Variants in PDE1C observed in about 807,000 individuals in gnomAD.
PDE1C encodes the protein dual specificity calcium/calmodulin-dependent 3',5'-cyclic nucleotide phosphodiesterase 1C.
In PDE1C, 62 loss-of-function variants were observed where a neutral mutation model predicts 93.1. The ratio of observed to expected loss-of-function variants is 0.67; its 90% CI spans 0.54 to 0.82. The LOEUF is 0.82. Among genes scored for constraint, PDE1C ranks in the 40% least tolerant of loss-of-function variants. PDE1C has a pLI of 0.00. For missense variants in PDE1C, 742 were observed against 884.6 expected (o/e 0.84, Z 2.04); for synonymous variants, 325 against 310.1 (o/e 1.05, Z -0.50).
At chr7:32,211,163 T>C (rs1017073708) in intron 1 of PDE1C, among the ~76,000 whole-genome samples, 2 of 152,096 alleles carry the variant, frequency 1.3e-5, no homozygotes, top group African/African-American at 4.8e-5. Flanking sequence ...GAGTCGAGAT[T>C]GTGCCACTAC....
intron 4 of PDE1C, 36 bp from the exon 5 acceptor site, chr7:31,878,072 CT>C: frequency 6.9e-7 from 1 of 1,451,208 alleles, no homozygotes; most frequent in Non-Finnish European, 9.7e-7. Flanking sequence ...AACATGATAT[CT>C]TATAAAGTAG....
At chr7:32,072,352 A>G (rs1460232127), upstream of PDE1C, among the ~76,000 whole-genome samples, 1 of 152,208 alleles carries the variant, frequency 6.6e-6, no homozygotes, top group Non-Finnish European at 1.5e-5. Context: ...ATATATTTTC[A>G]CTGAGTTAAG....
intron 2 of PDE1C, among the ~76,000 whole-genome samples, chr7:32,180,823 C>T (rs888603071): frequency 3.3e-5 from 5 of 152,194 alleles, no homozygotes; most frequent in African/African-American, 1.2e-4. Flanking sequence ...TTTCTGGAAT[C>T]ATAAAAGTCT....
chr7:31,866,856 T>A (rs1299668861), intron 6 of PDE1C, among the ~76,000 whole-genome samples: 1 of 151,968 alleles, frequency 6.6e-6, no homozygotes, highest in Non-Finnish European at 1.5e-5. Context: ...GACTCCTGTA[T>A]CCTAGCCACC....
At chr7:32,186,871 T>C (rs966176523) in intron 2 of PDE1C, among the ~76,000 whole-genome samples, 1 of 152,168 alleles carries the variant, frequency 6.6e-6, no homozygotes, top group African/African-American at 2.4e-5. Context: ...ATGGCTGGAA[T>C]AAGGTGTAGC....
rs1160548005 is a variant in PDE1C at position 31,752,748 on chromosome 7, C to CT, written c.*635dup. ...CACAATCTTCATGAGGCACAAAAATCTTTTTTTGTTTTTTAACTTGGATTT... is the reference window on the plus strand; with the variant it reads ...CACAATCTTCATGAGGCACAAAAATCTTTTTTTTGTTTTTTAACTTGGATTT... On this transcript the variant is annotated 3_prime_UTR_variant, in exon 18 of 18. Coordinates refer to ENST00000396191, the MANE Select transcript of PDE1C (RefSeq NM_001191057.4). The CT allele has an allele frequency of 5.3e-5, 8 of 152,066 alleles. No homozygotes were observed. The highest frequency in any genetic ancestry group is 9.7e-5 in the African/African-American group (4 of 41,436). The allele number at this position is 152,066 out of a possible 1,614,324, so 9.4% of individuals were successfully genotyped here. A position where few individuals can be genotyped will look rare whatever the true frequency, so the allele number is the denominator to read the frequency against.
intron 3 of PDE1C, among the ~76,000 whole-genome samples, chr7:32,151,823 T>G (rs917983251): frequency 6.6e-6 from 1 of 152,180 alleles, no homozygotes; most frequent in Non-Finnish European, 1.5e-5. Flanking sequence ...AATGGTTCAT[T>G]ATGTTGATTA....
At chr7:31,739,200 G>GACAC in the PDE1C span, among the ~76,000 whole-genome samples, 19,870 of 142,944 alleles carry the variant, frequency 0.14, 1,403 homozygotes, top group Non-Finnish European at 0.14. Flanking sequence ...GTAACTTTTA[G>GACAC]ACACACACAC....
intron 1 of PDE1C, among the ~76,000 whole-genome samples, chr7:32,269,870 CTCA>C (rs1810848198): frequency 6.6e-6 from 1 of 152,136 alleles, no homozygotes; most frequent in Admixed American, 6.5e-5. Context: ...AACTCTTGGG[CTCA>C]AAGAATCCTT....
chr7:32,192,426 GCA>G (rs1453534177), intron 2 of PDE1C, among the ~76,000 whole-genome samples: 2 of 152,134 alleles, frequency 1.3e-5, no homozygotes, highest in African/African-American at 2.4e-5. Context: ...CAATACTGAA[GCA>G]CAGTTTGTTG....
At chr7:32,151,770 GGAA>G (rs937840803) in intron 3 of PDE1C, among the ~76,000 whole-genome samples, 6 of 152,160 alleles carry the variant, frequency 3.9e-5, no homozygotes, top group East Asian at 3.9e-4. Context: ...TGAAGAGGCA[GGAA>G]GAAGGAGTTA....
the PDE1C span, among the ~76,000 whole-genome samples, chr7:31,730,021 A>T: frequency 6.6e-6 from 1 of 152,084 alleles, no homozygotes; most frequent in Non-Finnish European, 1.5e-5. Flanking sequence ...CTCTCTTAGC[A>T]TCCATGTCTC....
At chr7:31,792,332 T>G (rs1472616344) in intron 16 of PDE1C, among the ~76,000 whole-genome samples, 1 of 152,086 alleles carries the variant, frequency 6.6e-6, no homozygotes, top group Non-Finnish European at 1.5e-5. Flanking sequence ...GCCTGACACA[T>G]AGCATATGCT....
chr7:32,194,521 G>A (rs1158127670), intron 2 of PDE1C, among the ~76,000 whole-genome samples: 1 of 152,132 alleles, frequency 6.6e-6, no homozygotes, highest in Non-Finnish European at 1.5e-5. Context: ...CTTCCTTGTA[G>A]GCTGACCCTT....
rs577952607 is a variant in PDE1C at position 32,046,688 on chromosome 7, A to C, written c.128+4866T>G. Among the ~76,000 whole-genome samples the C allele has an allele frequency of 2.0e-5, 3 of 152,314 alleles. No homozygotes were observed. In the South Asian group the frequency reaches 6.2e-4, roughly 32 times the overall value. ...CTATCAGTATAATATGATTATCAAA[A>C]ACATGAGGGACACCTTTGTCTAAAG... On this transcript the variant is annotated intron_variant, in intron 2 of 17. Transcript: ENST00000396191.
chr7:31,778,350 T>G (rs1783159766), intron 16 of PDE1C, among the ~76,000 whole-genome samples: 1 of 152,176 alleles, frequency 6.6e-6, no homozygotes, highest in Admixed American at 6.5e-5. Context: ...CTGCCCGAAA[T>G]GCCTCTGTGT....
chr7:32,098,575 A>G (rs1412943497), intron 3 of PDE1C, among the ~76,000 whole-genome samples: 1 of 152,216 alleles, frequency 6.6e-6, no homozygotes, highest in African/African-American at 2.4e-5. Flanking sequence ...GTAGACACAC[A>G]GGACATCTGG....
chr7:31,954,410 T>C (rs1392642852), intron 2 of PDE1C, among the ~76,000 whole-genome samples: 4 of 152,216 alleles, frequency 2.6e-5, no homozygotes, highest in African/African-American at 9.6e-5. Flanking sequence ...ACATCAATAA[T>C]GCTAAGCCAC....
rs371271520 is a variant in PDE1C at position 31,830,971 on chromosome 7, T to G, written c.1204-2598A>C. ...TGTTATACATTTGGGGGTAGCTATATGTAAGCAGCAAACCAGTCAAAAGAG... is the reference window on the plus strand; with the variant it reads ...TGTTATACATTTGGGGGTAGCTATAGGTAAGCAGCAAACCAGTCAAAAGAG... On this transcript the variant is annotated intron_variant, in intron 11 of 17. Transcript: ENST00000396191. Among the ~76,000 whole-genome samples, 3 of 152,316 alleles carry G rather than the reference T, an allele frequency of 2.0e-5. No individual in the cohort carries two copies. In the East Asian group the frequency reaches 5.8e-4, roughly 29 times the overall value.
Sources: allele counts gnomAD v4.1 joint callset (sites outside exome capture counted in the v4.1 genomes callset), GRCh38; gene constraint gnomAD v4.1.1; transcripts MANE v1.5; gene names NCBI Gene and HGNC (gene_info 2026-07-23, HGNC 2026-07-21).